The following RABGAP1L variants were observed in gnomAD, a reference collection of about 807,000 sequenced individuals.
The protein encoded by RABGAP1L is RAB GTPase activating protein 1 like.
In RABGAP1L, 63 loss-of-function variants were observed where a neutral mutation model predicts 137.7. The observed-to-expected ratio is 0.46, with a 90% confidence interval of 0.37 to 0.56. The LOEUF (loss-of-function observed/expected upper bound fraction) is 0.56, where lower values mean the gene tolerates loss of function less well. RABGAP1L is among the 20% of genes least tolerant of loss of function. RABGAP1L has a pLI of 0.00. For synonymous variants in RABGAP1L, 431 were observed against 433.7 expected, an observed-to-expected ratio of 0.99 and a Z score of 0.08; for missense variants, 1,095 against 1,244.0, an observed-to-expected ratio of 0.88 and a Z score of 1.80.
intron 13 of RABGAP1L, among the ~76,000 whole-genome samples, chr1:174,614,346 G>C (rs1021110813): frequency 1.3e-5 from 2 of 152,106 alleles, no homozygotes; most frequent in Non-Finnish European, 2.9e-5. Context: ...TGAAATTCTG[G>C]GTTGAAAATT....
intron 13 of RABGAP1L, among the ~76,000 whole-genome samples, chr1:174,401,035 G>A (rs902365630): frequency 1.3e-5 from 2 of 152,082 alleles, no homozygotes; most frequent in African/African-American, 4.8e-5. Context: ...CAGGTTAGGA[G>A]CTGTAGACCA....
intron 4 of RABGAP1L, among the ~76,000 whole-genome samples, chr1:174,231,850 A>G (rs992668795): frequency 5.3e-5 from 8 of 152,188 alleles, no homozygotes; most frequent in Admixed American, 3.3e-4. Context: ...ATGGTGCTAA[A>G]CCATTCATAA....
chr1:174,418,873 T>C (rs1312023745), intron 13 of RABGAP1L, among the ~76,000 whole-genome samples: 2 of 152,004 alleles, frequency 1.3e-5, no homozygotes, highest in East Asian at 3.9e-4. Context: ...ACCCTGTCTC[T>C]ACGAAAATGC....
intron 17 of RABGAP1L, among the ~76,000 whole-genome samples, chr1:174,749,141 A>T (rs1487980429): frequency 1.3e-5 from 2 of 149,958 alleles, no homozygotes; most frequent in Non-Finnish European, 3.0e-5. Context: ...GCACCACTGC[A>T]CTCTAGCCTG....
chr1:174,238,757 A>G (rs1207640240), intron 4 of RABGAP1L: 1 of 150,984 alleles, frequency 6.6e-6, no homozygotes, highest in Non-Finnish European at 1.5e-5. Flanking sequence ...TGGAGCCTAC[A>G]GAGGCAGGCA....
At chr1:174,255,678 C>T (rs927686297) in intron 7 of RABGAP1L, among the ~76,000 whole-genome samples, 1 of 152,208 alleles carries the variant, frequency 6.6e-6, no homozygotes, top group Non-Finnish European at 1.5e-5. Flanking sequence ...GTGTGCCCTA[C>T]AACGCCTGGC....
intron 17 of RABGAP1L, among the ~76,000 whole-genome samples, chr1:174,746,246 A>T (rs550054874): frequency 3.5e-4 from 53 of 152,376 alleles, no homozygotes; most frequent in African/African-American, 1.2e-3. Flanking sequence ...CTTTGGAGCA[A>T]TTATTCAATT....
intron 12 of RABGAP1L, among the ~76,000 whole-genome samples, chr1:174,384,603 C>T (rs1686584230): frequency 6.6e-6 from 1 of 151,778 alleles, no homozygotes; most frequent in African/African-American, 2.4e-5. Context: ...CAGAACAGTG[C>T]CTTCATTATA....
At chr1:174,284,374 G>C (rs563325647) in intron 10 of RABGAP1L, among the ~76,000 whole-genome samples, 1 of 152,006 alleles carries the variant, frequency 6.6e-6, no homozygotes, top group Non-Finnish European at 1.5e-5. Flanking sequence ...TTTTTACTTA[G>C]CATAATGCTC....
chr1:174,986,769 G>A (rs1193325213), intron 24 of RABGAP1L, among the ~76,000 whole-genome samples: 1 of 152,290 alleles, frequency 6.6e-6, no homozygotes. Context: ...TTATCTGAAG[G>A]TGCTATGTCT....
At chr1:174,620,334 C>T (rs1005283338) in intron 13 of RABGAP1L, among the ~76,000 whole-genome samples, 4 of 152,184 alleles carry the variant, frequency 2.6e-5, no homozygotes, top group Admixed American at 1.3e-4. Flanking sequence ...AATATACATT[C>T]TTTTCAGCAC....
chr1:174,407,741 A>C (rs1412836055), intron 13 of RABGAP1L, among the ~76,000 whole-genome samples: 2 of 152,144 alleles, frequency 1.3e-5, no homozygotes, highest in Non-Finnish European at 2.9e-5. Flanking sequence ...TTTTTCTTGT[A>C]ATGTGACTTT....
intron 19 of RABGAP1L, among the ~76,000 whole-genome samples, chr1:174,817,869 T>G (rs1558111388): frequency 6.6e-6 from 1 of 152,128 alleles, no homozygotes; most frequent in Non-Finnish European, 1.5e-5. Context: ...TTAACAGATT[T>G]TAGTGATTAC....
rs1653312348 is a variant in RABGAP1L, at chr1:174,877,391, G to T, written c.2340+65431G>T. The T allele has an allele frequency of 1.3e-6, 2 of 1,529,558 alleles. No homozygotes were observed. Among genetic ancestry groups the T allele is most frequent in the Non-Finnish European group, 1.8e-6 (2 of 1,135,128 alleles). The allele number at this position is 1,529,558 out of a possible 1,614,324, so 94.7% of individuals were successfully genotyped here. A position where few individuals can be genotyped will look rare whatever the true frequency, so the allele number is the denominator to read the frequency against. On this transcript the variant is annotated intron_variant, in intron 19 of 25. Coordinates refer to ENST00000681986, the MANE Select transcript of RABGAP1L (RefSeq NM_001366446.1). ...TTGACACTCCACCCCCTCGAACTCA[G>T]GTGGGTGTGTACACTGGCACTGAGC...
chr1:174,741,644 G>A (rs74409209), intron 17 of RABGAP1L, among the ~76,000 whole-genome samples: 1,798 of 152,068 alleles, frequency 0.012, 49 homozygotes, highest in African/African-American at 0.042. Flanking sequence ...TTACAGGTGT[G>A]AGCCACTGTA....
At chr1:174,438,651 G>A (rs1033161489) in intron 13 of RABGAP1L, among the ~76,000 whole-genome samples, 1 of 150,026 alleles carries the variant, frequency 6.7e-6, no homozygotes, top group Non-Finnish European at 1.5e-5. Context: ...CCAGGAGGCG[G>A]AGTTTGCAGT....
chr1:174,390,755 C>A (rs952505408), intron 12 of RABGAP1L, among the ~76,000 whole-genome samples: 20 of 151,848 alleles, frequency 1.3e-4, no homozygotes, highest in African/African-American at 4.8e-4. Flanking sequence ...GATGATGGGG[C>A]AAAAATAATT....
chr1:174,373,231 G>C (rs1238894026), intron 12 of RABGAP1L, among the ~76,000 whole-genome samples: 5 of 152,164 alleles, frequency 3.3e-5, no homozygotes, highest in African/African-American at 4.8e-5. Context: ...GTGTGTTCTA[G>C]TTAGAGGCAG....
chr1:174,416,759 C>T (rs1650640959), intron 13 of RABGAP1L, among the ~76,000 whole-genome samples: 1 of 152,014 alleles, frequency 6.6e-6, no homozygotes, highest in African/African-American at 2.4e-5. Flanking sequence ...TAACTAAAGT[C>T]TTAGAGAATT....
Sources: allele counts gnomAD v4.1 joint callset (sites outside exome capture counted in the v4.1 genomes callset), GRCh38; gene constraint gnomAD v4.1.1; transcripts MANE v1.5; gene names NCBI Gene and HGNC (gene_info 2026-07-23, HGNC 2026-07-21).